Variants in PPP2R2C observed in about 807,000 individuals in gnomAD.
PPP2R2C encodes the protein protein phosphatase 2 regulatory subunit Bgamma, also known as protein phosphatase 2, regulatory subunit B, gamma.
In PPP2R2C, 10 loss-of-function variants were observed where a neutral mutation model predicts 45.3. The observed-to-expected ratio is 0.22, with a 90% CI of 0.14 to 0.37. The LOEUF is 0.37. Among genes scored for constraint, PPP2R2C ranks in the 10% least tolerant of loss-of-function variants. PPP2R2C has a pLI of 1.00. For synonymous variants in PPP2R2C, 257 were observed against 245.4 expected (o/e 1.05, Z -0.44); for missense variants, 308 against 619.7 (o/e 0.50, Z 5.34).
chr4:6,505,094 C>T (rs1415183305), intron 2 of PPP2R2C, among the ~76,000 whole-genome samples: 6 of 151,952 alleles, frequency 3.9e-5, no homozygotes, highest in Admixed American at 2.6e-4. Flanking sequence ...TGACTTGATC[C>T]ACTACTGACT....
chr4:6,460,628 A>G (rs1721274588), intron 1 of PPP2R2C, among the ~76,000 whole-genome samples: 1 of 152,238 alleles, frequency 6.6e-6, no homozygotes, highest in South Asian at 2.1e-4. Context: ...CAGTGAATAA[A>G]AAAATGTAGG....
chr4:6,558,741 G>A (rs976288458), intron 1 of PPP2R2C, among the ~76,000 whole-genome samples: 1 of 152,070 alleles, frequency 6.6e-6, no homozygotes, highest in African/African-American at 2.4e-5. Flanking sequence ...ACTCAACATG[G>A]AGCCCTGCAC....
At chr4:6,437,423 T>G (rs911487334) in intron 1 of PPP2R2C, among the ~76,000 whole-genome samples, 1 of 152,220 alleles carries the variant, frequency 6.6e-6, no homozygotes, top group Non-Finnish European at 1.5e-5. Context: ...CTGATTCAAC[T>G]GTTTCATTTT....
At chr4:6,358,436 C>T (rs556645027) in intron 5 of PPP2R2C, among the ~76,000 whole-genome samples, 2 of 151,014 alleles carry the variant, frequency 1.3e-5, no homozygotes, top group Admixed American at 1.3e-4. Context: ...GCAAGGACTT[C>T]ATGACTAAAA....
At chr4:6,402,466 C>T (rs894606045) in intron 1 of PPP2R2C, among the ~76,000 whole-genome samples, 2 of 150,834 alleles carry the variant, frequency 1.3e-5, no homozygotes, top group Non-Finnish European at 2.9e-5. Context: ...CACCCTCCCT[C>T]TTTTCTCTCT....
chr4:6,548,101 C>T (rs1445915499), intron 1 of PPP2R2C, among the ~76,000 whole-genome samples: 1 of 152,026 alleles, frequency 6.6e-6, no homozygotes, highest in Non-Finnish European at 1.5e-5. Context: ...ACCTGTAATC[C>T]CAGCTACTCC....
chr4:6,434,291 A>C (rs1187843604), intron 1 of PPP2R2C, among the ~76,000 whole-genome samples: 1 of 150,994 alleles, frequency 6.6e-6, no homozygotes, highest in South Asian at 2.1e-4. Context: ...ATTCTTTCCC[A>C]TTACCAACAA....
chr4:6,350,676 G>T (rs1045489124), intron 5 of PPP2R2C: 2 of 984,900 alleles, frequency 2.0e-6, no homozygotes, highest in African/African-American at 3.5e-5. Flanking sequence ...CTCCCAAGGG[G>T]AGACCTCTCC....
chr4:6,523,468 A>C (rs1724090338), intron 2 of PPP2R2C: 1 of 152,268 alleles, frequency 6.6e-6, no homozygotes, highest in South Asian at 2.1e-4. Flanking sequence ...CAGCATGCAC[A>C]GGAAAGGTTG....
At chr4:6,333,272 C>A (rs562607595) in intron 7 of PPP2R2C, among the ~76,000 whole-genome samples, 1 of 152,230 alleles carries the variant, frequency 6.6e-6, no homozygotes, top group Non-Finnish European at 1.5e-5. Flanking sequence ...CCCAGCCTGA[C>A]GCTCATCTCT....
chr4:6,397,606 C>T (rs1462420558), intron 1 of PPP2R2C, among the ~76,000 whole-genome samples: 1 of 152,188 alleles, frequency 6.6e-6, no homozygotes, highest in African/African-American at 2.4e-5. Flanking sequence ...ATGGTTGGAA[C>T]CCACAGAGAG....
intron 1 of PPP2R2C, among the ~76,000 whole-genome samples, chr4:6,433,418 A>T (rs1423888854): frequency 6.6e-6 from 1 of 152,204 alleles, no homozygotes; most frequent in Non-Finnish European, 1.5e-5. Context: ...ATTGTAAGAC[A>T]TCAACAGTTT....
In PPP2R2C at chr4:6,378,564, A is replaced by G. The variant is rs1485231423; in HGVS notation, c.177T>C (p.Asn59=). ...CGTATTCGCCCTGGCTGTGGGGCGC[A>G]TTTTTACTCTGCAGGGAAACCCGGA... The part of the protein sequence containing the change: ...VIFQREPESK[N]APHSQGEYDV... The change falls in exon 3 of 9, where the codon AAT becomes AAC. Residue 59 remains asparagine, a synonymous_variant. Transcript: ENST00000382599. The surrounding 1 kb of genome is among the most constrained non-coding windows in gnomAD (Gnocchi z 5.2). 2.5e-6 allele frequency: 4 copies of G among 1,613,152 alleles called. No homozygotes were observed. The highest frequency in any genetic ancestry group is 3.4e-6 in the Non-Finnish European group (4 of 1,179,552).
intron 2 of PPP2R2C, among the ~76,000 whole-genome samples, chr4:6,521,526 G>T (rs1037185492): frequency 1.3e-5 from 2 of 152,196 alleles, no homozygotes; most frequent in Admixed American, 6.5e-5. Context: ...GTGCTCCAGA[G>T]AGGAGCCCAC....
intron 2 of PPP2R2C, among the ~76,000 whole-genome samples, chr4:6,380,757 A>G (rs956331058): frequency 6.6e-6 from 1 of 151,560 alleles, no homozygotes; most frequent in African/African-American, 2.4e-5. Flanking sequence ...CCACCTCGGC[A>G]TTCCAAAGCA....
intron 1 of PPP2R2C, among the ~76,000 whole-genome samples, chr4:6,418,860 C>T (rs1278574774): frequency 6.6e-6 from 1 of 152,198 alleles, no homozygotes; most frequent in Non-Finnish European, 1.5e-5. Flanking sequence ...CTGCCCTGTA[C>T]TAAGTGTCAT....
intron 2 of PPP2R2C, among the ~76,000 whole-genome samples, chr4:6,512,683 C>CTGG (rs994534967): frequency 8.7e-6 from 1 of 115,570 alleles, no homozygotes; most frequent in African/African-American, 3.0e-5. Flanking sequence ...GGTGGTGATA[C>CTGG]TGGTGGTGGT....
chr4:6,497,999 G>A (rs934388644), intron 2 of PPP2R2C, among the ~76,000 whole-genome samples: 3 of 152,206 alleles, frequency 2.0e-5, no homozygotes, highest in East Asian at 1.9e-4. Flanking sequence ...GCATCCATAC[G>A]CTGTTGGCTT....
chr4:6,349,814 C>G, intron 5 of PPP2R2C: 1 of 894,926 alleles, frequency 1.1e-6, no homozygotes, highest in Non-Finnish European at 1.3e-6. Context: ...TCACGTGAAC[C>G]TGGGAGGTGG....
Sources: allele counts gnomAD v4.1 joint callset (sites outside exome capture counted in the v4.1 genomes callset), GRCh38; gene constraint gnomAD v4.1.1; non-coding constraint Gnocchi (gnomAD v3.1); transcripts MANE v1.5; gene names NCBI Gene and HGNC (gene_info 2026-07-23, HGNC 2026-07-21).